Variants in SHISA6 observed in about 807,000 individuals in gnomAD.
SHISA6 encodes protein shisa-6.
A neutral mutation model predicts 47.9 loss-of-function variants in SHISA6; 22 were observed. That is an observed-to-expected ratio of 0.46 (90% CI 0.33 to 0.66). The LOEUF is 0.66. Among genes scored for constraint, SHISA6 ranks in the 30% least tolerant of loss-of-function variants. The pLI, the probability that SHISA6 is intolerant of heterozygous loss-of-function variation, is 0.02. For missense variants in SHISA6, 680 were observed against 764.6 expected (o/e 0.89, Z 1.30); for synonymous variants, 388 against 337.8 (o/e 1.15, Z -1.63).
intron 3 of SHISA6, among the ~76,000 whole-genome samples, chr17:11,436,298 G>A (rs532719943): frequency 5.3e-5 from 8 of 152,252 alleles, no homozygotes; most frequent in African/African-American, 1.7e-4. Context: ...GGACTTCCAG[G>A]CTTCCAGAAC....
chr17:11,400,020 T>A (rs540269724), intron 3 of SHISA6, among the ~76,000 whole-genome samples: 248 of 152,350 alleles, frequency 1.6e-3, no homozygotes, highest in Non-Finnish European at 2.4e-3. Context: ...TTACAGTTTC[T>A]TTTTTACTGT....
intron 2 of SHISA6, among the ~76,000 whole-genome samples, chr17:11,357,261 T>C (rs1484615820): frequency 6.6e-6 from 1 of 151,096 alleles, no homozygotes; most frequent in Non-Finnish European, 1.5e-5. Flanking sequence ...CAGAGGCCTG[T>C]GGTGGTAAGA....
intron 1 of SHISA6, among the ~76,000 whole-genome samples, chr17:11,257,524 G>C (rs753578094): frequency 6.6e-6 from 1 of 151,978 alleles, no homozygotes; most frequent in Non-Finnish European, 1.5e-5. Context: ...AGCTGGGTGT[G>C]GTGGTGCTTG....
chr17:11,485,869 C>T (rs1341090247), intron 3 of SHISA6, among the ~76,000 whole-genome samples: 1 of 152,102 alleles, frequency 6.6e-6, no homozygotes, highest in Non-Finnish European at 1.5e-5. Context: ...CCTCCCACCC[C>T]ACCTTCCAAG....
At chr17:11,276,823 CA>C (rs1908916961) in intron 2 of SHISA6, among the ~76,000 whole-genome samples, 2 of 152,200 alleles carry the variant, frequency 1.3e-5, no homozygotes, top group African/African-American at 4.8e-5. Context: ...TATGACTCTT[CA>C]TTCAGGACGA....
At chr17:11,307,292 C>G (rs1201669019) in intron 2 of SHISA6, among the ~76,000 whole-genome samples, 1 of 152,080 alleles carries the variant, frequency 6.6e-6, no homozygotes, top group African/African-American at 2.4e-5. Flanking sequence ...CTGTTGCTTA[C>G]ACAACTATCT....
intron 2 of SHISA6, among the ~76,000 whole-genome samples, chr17:11,286,871 T>C (rs1049712964): frequency 8.5e-5 from 13 of 152,188 alleles, no homozygotes; most frequent in African/African-American, 2.9e-4. Context: ...CCAGCTCTTA[T>C]CAGAATGATA....
At chr17:11,497,827 C>T (rs936352458) in intron 3 of SHISA6, among the ~76,000 whole-genome samples, 1 of 152,092 alleles carries the variant, frequency 6.6e-6, no homozygotes, top group Non-Finnish European at 1.5e-5. Context: ...GCTCAGACAC[C>T]TCCTCACCCC....
chr17:11,379,618 G>T, intron 3 of SHISA6, 109 bp downstream of exon 3: 1 of 721,116 alleles, frequency 1.4e-6, no homozygotes, highest in Non-Finnish European at 2.2e-6. Context: ...AGGAATAAGT[G>T]GGGTGGTTCC....
intron 3 of SHISA6, among the ~76,000 whole-genome samples, chr17:11,523,565 A>T (rs929522342): frequency 6.6e-6 from 1 of 152,208 alleles, no homozygotes; most frequent in African/African-American, 2.4e-5. Flanking sequence ...TCTGACTAAC[A>T]AGGATAGTCT....
chr17:11,414,788 T>C (rs1359213939), intron 3 of SHISA6, among the ~76,000 whole-genome samples: 2 of 152,150 alleles, frequency 1.3e-5, no homozygotes, highest in African/African-American at 4.8e-5. Context: ...AGGTTATTAT[T>C]CTCAAAAGAA....
intron 2 of SHISA6, among the ~76,000 whole-genome samples, chr17:11,356,080 A>T (rs1023562177): frequency 2.0e-5 from 3 of 152,230 alleles, no homozygotes; most frequent in Non-Finnish European, 2.9e-5. Context: ...TGTGAGAGGC[A>T]CTGGTGCAAA....
At chr17:11,473,169 G>T (rs959473342) in intron 3 of SHISA6, among the ~76,000 whole-genome samples, 8 of 152,114 alleles carry the variant, frequency 5.3e-5, no homozygotes, top group East Asian at 1.9e-4. Flanking sequence ...TTTCCATGGA[G>T]CCCAGCTTGT....
At chr17:11,288,964 T>C (rs9894506) in intron 2 of SHISA6, 56,684 of 151,994 alleles carry the variant, frequency 0.37, 11,055 homozygotes, top group East Asian at 0.63. Flanking sequence ...TGATGGTGAC[T>C]GTTGGTTTGT....
Position 11,430,915 on chromosome 17 carries a change from C to A in SHISA6, c.895+51406C>A, listed in dbSNP as rs1008903911. Among the ~76,000 whole-genome samples the A allele has an allele frequency of 3.3e-5, 5 of 152,304 alleles. No homozygotes were observed. In the East Asian group the frequency reaches 9.7e-4, roughly 29 times the overall value. On this transcript the variant is annotated intron_variant, in intron 3 of 5. Transcript: ENST00000441885. ...CACGAGGCTTTTGAAAGAGGCTTAACGGAAGCAGCATCCTCACATCAGAGC... is the reference window on the plus strand; with the variant it reads ...CACGAGGCTTTTGAAAGAGGCTTAAAGGAAGCAGCATCCTCACATCAGAGC...
At chr17:11,245,825 C>T (rs1436785585) in intron 1 of SHISA6, among the ~76,000 whole-genome samples, 1 of 151,932 alleles carries the variant, frequency 6.6e-6, no homozygotes, top group Non-Finnish European at 1.5e-5. Context: ...TAGGAGGTGA[C>T]CCCTTCATCT....
intron 3 of SHISA6, among the ~76,000 whole-genome samples, chr17:11,522,242 G>A (rs1017779043): frequency 5.3e-5 from 8 of 152,040 alleles, no homozygotes; most frequent in African/African-American, 1.9e-4. Flanking sequence ...TGGGATTACA[G>A]GCGTGAGTCA....
intron 2 of SHISA6, among the ~76,000 whole-genome samples, chr17:11,325,049 G>T (rs1024781119): frequency 2.6e-5 from 4 of 152,122 alleles, no homozygotes; most frequent in Non-Finnish European, 5.9e-5. Context: ...CCCGGTAAGG[G>T]TCAAATATCT....
At chr17:11,278,429 T>C (rs760445488) in intron 2 of SHISA6, among the ~76,000 whole-genome samples, 1 of 152,260 alleles carries the variant, frequency 6.6e-6, no homozygotes. Flanking sequence ...TGGACTCTCC[T>C]GTCCTGTGTC....
Sources: allele counts gnomAD v4.1 joint callset (sites outside exome capture counted in the v4.1 genomes callset), GRCh38; gene constraint gnomAD v4.1.1; transcripts MANE v1.5; gene names NCBI Gene and HGNC (gene_info 2026-07-23, HGNC 2026-07-21).